CFDP1: variants seen among roughly 807,000 people sequenced by gnomAD.
The protein encoded by CFDP1 is heterochromatin-stabilizing protein CFDP1.
A neutral mutation model predicts 40.1 loss-of-function variants in CFDP1; 31 were observed. The observed-to-expected ratio is 0.77, with a 90% CI of 0.58 to 1.04. The LOEUF is 1.04. CFDP1 is among the 50% of genes least tolerant of loss of function. The pLI is 0.00. For missense variants in CFDP1, 423 were observed against 343.4 expected (o/e 1.23, Z -1.83); for synonymous variants, 167 against 120.0 (o/e 1.39, Z -2.56).
In CFDP1 at chr16:75,345,459, A is replaced by G. The variant is rs183061260; in HGVS notation, c.651-40277T>C. Among the ~76,000 whole-genome samples, 221 of 152,170 alleles carry G rather than the reference A, an allele frequency of 1.5e-3. 1 individual carries two copies. Among genetic ancestry groups the G allele is most frequent in the African/African-American group, 5.1e-3 (210 of 41,502 alleles). Reference sequence around the variant, plus strand: ...GTGACAGAGTGAGACTCTGTCTCAAAAACAAAACAAAACAAAAAAAAACAA... The same window carrying G: ...GTGACAGAGTGAGACTCTGTCTCAAGAACAAAACAAAACAAAAAAAAACAA... On this transcript the variant is annotated intron_variant, in intron 5 of 6. Transcript: ENST00000283882.
At chr16:75,384,781 T>G (rs1328013509) in intron 5 of CFDP1, among the ~76,000 whole-genome samples, 1 of 150,582 alleles carries the variant, frequency 6.6e-6, no homozygotes, top group Non-Finnish European at 1.5e-5. Flanking sequence ...TACAGATGTT[T>G]ATATTGAACC....
intron 5 of CFDP1, among the ~76,000 whole-genome samples, chr16:75,354,317 G>C (rs372285752): frequency 6.6e-6 from 1 of 152,186 alleles, no homozygotes; most frequent in Non-Finnish European, 1.5e-5. Flanking sequence ...GTAACTTGCT[G>C]AGTGCCTGCC....
intron 5 of CFDP1, among the ~76,000 whole-genome samples, chr16:75,329,195 G>A (rs1199725011): frequency 6.6e-6 from 1 of 151,200 alleles, no homozygotes; most frequent in Non-Finnish European, 1.5e-5. Flanking sequence ...CATGTTGGCC[G>A]GGCTGGTCTT....
intron 4 of CFDP1, among the ~76,000 whole-genome samples, chr16:75,402,637 A>G (rs1167353170): frequency 6.6e-6 from 1 of 152,198 alleles, no homozygotes; most frequent in Non-Finnish European, 1.5e-5. Context: ...ACATTTCTTG[A>G]AGATGTAGTA....
chr16:75,412,221 G>A (rs932267249), intron 3 of CFDP1, among the ~76,000 whole-genome samples: 1 of 152,148 alleles, frequency 6.6e-6, no homozygotes, highest in African/African-American at 2.4e-5. Flanking sequence ...ATTTCGCCAT[G>A]TTGGCCAGGC....
intron 5 of CFDP1, among the ~76,000 whole-genome samples, chr16:75,333,449 G>A (rs1387955282): frequency 2.0e-5 from 3 of 152,114 alleles, no homozygotes; most frequent in East Asian, 1.9e-4. Flanking sequence ...GACATCTTTC[G>A]ATGGGCAGAA....
At chr16:75,319,692 A>G (rs1225511990) in intron 5 of CFDP1, among the ~76,000 whole-genome samples, 1 of 152,140 alleles carries the variant, frequency 6.6e-6, no homozygotes, top group Non-Finnish European at 1.5e-5. Flanking sequence ...CTCTTCCTCC[A>G]GAGGCAGCTT....
intron 4 of CFDP1, among the ~76,000 whole-genome samples, chr16:75,408,134 G>C (rs2079119942): frequency 6.6e-6 from 1 of 151,548 alleles, no homozygotes; most frequent in South Asian, 2.1e-4. Context: ...AAGGGAGAGA[G>C]GGAGGGAGGG....
chr16:75,433,179 C>A (rs1282734236), intron 1 of CFDP1, 110 bp downstream of exon 1: 3 of 928,092 alleles, frequency 3.2e-6, no homozygotes, highest in Non-Finnish European at 3.1e-6. Context: ...AGAACAGGAG[C>A]CCCCCTGGAC....
chr16:75,373,227 G>C (rs2078766829), intron 5 of CFDP1, among the ~76,000 whole-genome samples: 1 of 152,132 alleles, frequency 6.6e-6, no homozygotes, highest in Non-Finnish European at 1.5e-5. Flanking sequence ...GAAATAACAT[G>C]GTGACCCATT....
At chr16:75,331,705 T>TATCATGGGTTGC (rs2078447300) in intron 5 of CFDP1, among the ~76,000 whole-genome samples, 1 of 152,052 alleles carries the variant, frequency 6.6e-6, no homozygotes, top group South Asian at 2.1e-4. Flanking sequence ...ATGTTGTGTG[T>TATCATGGGTTGC]TCCTTGTTAT....
intron 5 of CFDP1, among the ~76,000 whole-genome samples, chr16:75,316,710 C>T (rs2078325245): frequency 6.6e-6 from 1 of 152,162 alleles, no homozygotes; most frequent in Non-Finnish European, 1.5e-5. Flanking sequence ...TGGCTCACGC[C>T]TGTAATCCTA....
At chr16:75,309,339 C>G (rs2078278263) in intron 5 of CFDP1, among the ~76,000 whole-genome samples, 1 of 151,528 alleles carries the variant, frequency 6.6e-6, no homozygotes, top group African/African-American at 2.4e-5. Flanking sequence ...GAGAATCAGT[C>G]TCTGGGCAGG....
At chr16:75,429,769 T>C (rs1013662725) in intron 1 of CFDP1, among the ~76,000 whole-genome samples, 1 of 152,178 alleles carries the variant, frequency 6.6e-6, no homozygotes, top group Non-Finnish European at 1.5e-5. Flanking sequence ...AATGTAAATA[T>C]TTTGGGAGAT....
chr16:75,387,267 A>G (rs1382357952), intron 5 of CFDP1, among the ~76,000 whole-genome samples: 2 of 151,564 alleles, frequency 1.3e-5, no homozygotes, highest in African/African-American at 4.9e-5. Context: ...CAGCCTCCGC[A>G]GTACCTGGGA....
At position 75,309,829 on chromosome 16, in the gene CFDP1, A is replaced by AAAAC. The variant is rs1181570727; in HGVS notation, c.651-4648_651-4647insGTTT. 1.4e-3 allele frequency among the ~76,000 whole-genome samples: 211 copies of AAAAC among 150,274 alleles called. 1 individual carries two copies. The highest frequency in any genetic ancestry group is 2.7e-3 in the Non-Finnish European group (183 of 67,232). ...AGTGAGACTCCATCTCAAAAAAAAA[A>AAAAC]AAAAAAAAAAAAAAAACCAATCCAG... is the stretch of plus-strand genomic sequence containing the variant. On this transcript the variant is annotated intron_variant, in intron 5 of 6. Transcript: ENST00000283882.
At position 75,433,277 on chromosome 16, in the gene CFDP1, G is replaced by C. The variant is rs1346352523; in HGVS notation, c.64+12C>G. The C allele has an allele frequency of 1.3e-6, 2 of 1,593,848 alleles. No individual in the cohort carries two copies. Among genetic ancestry groups the C allele is most frequent in the Non-Finnish European group, 1.7e-6 (2 of 1,172,336 alleles). On this transcript the variant is annotated intron_variant, in intron 1 of 6. Coordinates refer to ENST00000283882, the MANE Select transcript of CFDP1 (RefSeq NM_006324.3). ...GGGCAATTCGCTTCTCGCCTCAGGC[G>C]GAATCGCTCACCCGACGGCACGTAG...
intron 5 of CFDP1, among the ~76,000 whole-genome samples, chr16:75,365,411 A>T (rs753027629): frequency 6.6e-6 from 1 of 152,158 alleles, no homozygotes; most frequent in African/African-American, 2.4e-5. Context: ...CCTTTGAGAG[A>T]AGGGGACTGA....
chr16:75,414,306 G>T (rs1033808593), intron 2 of CFDP1, among the ~76,000 whole-genome samples: 1 of 152,124 alleles, frequency 6.6e-6, no homozygotes, highest in African/African-American at 2.4e-5. Context: ...ACAAGGTCTA[G>T]GAACAGGGTA....
Sources: allele counts gnomAD v4.1 joint callset (sites outside exome capture counted in the v4.1 genomes callset), GRCh38; gene constraint gnomAD v4.1.1; transcripts MANE v1.5; gene names NCBI Gene and HGNC (gene_info 2026-07-23, HGNC 2026-07-21).